Variants in RGS7 observed in about 807,000 individuals in gnomAD.
The protein encoded by RGS7 is regulator of G-protein signaling 7.
A neutral mutation model predicts 81.1 loss-of-function variants in RGS7; 27 were observed. The ratio of observed to expected loss-of-function variants is 0.33; its 90% CI spans 0.25 to 0.46. RGS7 has a LOEUF of 0.46. RGS7 is among the 20% of genes least tolerant of loss of function. The probability of loss-of-function intolerance (pLI) is 1.00; values close to 1 mark genes in which losing one functional copy is unlikely to be tolerated. For missense variants in RGS7, 396 were observed against 607.4 expected (o/e 0.65, Z 3.66); for synonymous variants, 208 against 207.7 (o/e 1.00, Z -0.01).
chr1:241,169,824 T>G (rs1347846133), intron 2 of RGS7, among the ~76,000 whole-genome samples: 1 of 152,202 alleles, frequency 6.6e-6, no homozygotes, highest in African/African-American at 2.4e-5. Context: ...TCGATTATGT[T>G]TCTTCCTATG....
chr1:241,145,278 A>C (rs191247091), intron 2 of RGS7, among the ~76,000 whole-genome samples: 1 of 152,182 alleles, frequency 6.6e-6, no homozygotes, highest in African/African-American at 2.4e-5. Context: ...AGCCACCCAA[A>C]GTGCTGAGAT....
intron 2 of RGS7, among the ~76,000 whole-genome samples, chr1:241,328,890 A>G (rs1033670547): frequency 6.6e-6 from 1 of 152,180 alleles, no homozygotes; most frequent in African/African-American, 2.4e-5. Context: ...CAACTGGTCT[A>G]CCAGGGATAG....
At chr1:240,866,335 C>A (rs1466365898) in intron 9 of RGS7, among the ~76,000 whole-genome samples, 1 of 151,682 alleles carries the variant, frequency 6.6e-6, no homozygotes. Flanking sequence ...CACGGTGAAA[C>A]CCCGTCTCTA....
At chr1:240,850,517 A>G (rs1659912495) in intron 9 of RGS7, among the ~76,000 whole-genome samples, 1 of 152,178 alleles carries the variant, frequency 6.6e-6, no homozygotes, top group African/African-American at 2.4e-5. Context: ...CTGAGCTACA[A>G]CAATATCAAC....
At chr1:241,316,922 C>T (rs2080913760) in intron 2 of RGS7, among the ~76,000 whole-genome samples, 1 of 152,102 alleles carries the variant, frequency 6.6e-6, no homozygotes, top group Non-Finnish European at 1.5e-5. Context: ...TATGTGTTTA[C>T]TATTATGTAA....
chr1:241,117,044 C>T (rs551728713), intron 2 of RGS7, among the ~76,000 whole-genome samples: 4 of 152,058 alleles, frequency 2.6e-5, no homozygotes, highest in Non-Finnish European at 4.4e-5. Context: ...GGGCCCTCTA[C>T]GAGGTAGTAT....
At chr1:241,003,862 C>A (rs912309625) in intron 3 of RGS7, among the ~76,000 whole-genome samples, 1 of 152,160 alleles carries the variant, frequency 6.6e-6, no homozygotes, top group African/African-American at 2.4e-5. Context: ...GATTCTCCTG[C>A]CTCAGCCTCC....
At chr1:240,991,811 ATCAAT>A (rs755523638) in intron 3 of RGS7, among the ~76,000 whole-genome samples, 13 of 152,222 alleles carry the variant, frequency 8.5e-5, no homozygotes, top group Non-Finnish European at 1.8e-4. Context: ...TAATCGATTA[ATCAAT>A]TCCATATGCT....
chr1:241,345,990 G>A (rs1490467566), intron 2 of RGS7, among the ~76,000 whole-genome samples: 2 of 152,112 alleles, frequency 1.3e-5, no homozygotes, highest in African/African-American at 2.4e-5. Context: ...ACTCCAGTCT[G>A]GTGATGGAGC....
chr1:240,948,653 G>A (rs1679050016), intron 4 of RGS7, among the ~76,000 whole-genome samples: 1 of 151,856 alleles, frequency 6.6e-6, no homozygotes, highest in Non-Finnish European at 1.5e-5. Context: ...ATGTTGGCCA[G>A]GCTGGTCTCA....
intron 18 of RGS7, 21 bp downstream of exon 18, chr1:240,800,620 T>A: frequency 1.3e-6 from 2 of 1,485,348 alleles, no homozygotes; most frequent in Non-Finnish European, 1.8e-6. Context: ...CAAACTTGAG[T>A]ATAAACCAAG....
At chr1:240,857,940 C>G (rs1193154364) in intron 9 of RGS7, among the ~76,000 whole-genome samples, 2 of 152,134 alleles carry the variant, frequency 1.3e-5, no homozygotes, top group African/African-American at 4.8e-5. Context: ...CTGCCCTTCT[C>G]CGTGCTACCA....
rs1024772963 is a variant in RGS7 at position 240,868,491 on chromosome 1, G to A, written c.609+96C>T. ...ACCAAGATACCATGGAGCGTGCATG[G>A]GGTCACTACAGTCTTTCACTTACTT... On this transcript the variant is annotated intron_variant, in intron 9 of 18. Coordinates refer to ENST00000440928, the MANE Select transcript of RGS7 (RefSeq NM_001364886.1). This position sits in a 1 kb window ranked among gnomAD's most constrained non-coding sequence, Gnocchi z 5.1. The A allele has an allele frequency of 6.0e-6, 6 of 993,796 alleles. No homozygotes were observed. In the South Asian group the frequency reaches 7.6e-5, roughly 13 times the overall value. 61.6% of individuals were successfully genotyped at this position (993,796 alleles called of 1,614,324 possible). A position where few individuals can be genotyped will look rare whatever the true frequency, so the allele number is the denominator to read the frequency against.
At chr1:241,120,670 G>T (rs2066188204) in intron 2 of RGS7, among the ~76,000 whole-genome samples, 1 of 152,060 alleles carries the variant, frequency 6.6e-6, no homozygotes, top group Admixed American at 6.6e-5. Context: ...CTTACAGGGG[G>T]AAATTTTGTA....
chr1:241,202,012 A>AAG (rs58110673), intron 2 of RGS7, among the ~76,000 whole-genome samples: 344 of 5,592 alleles, frequency 0.062, 1 homozygote, highest in African/African-American at 0.2. Flanking sequence ...ACACACACAG[A>AAG]CACACACACA....
chr1:240,777,111 A>G (rs983863406), intron 18 of RGS7, among the ~76,000 whole-genome samples: 4 of 152,168 alleles, frequency 2.6e-5, no homozygotes, highest in African/African-American at 9.7e-5. Flanking sequence ...CCTGGCCAAC[A>G]TGGTGAAACT....
At chr1:241,045,442 C>T (rs935483943) in intron 3 of RGS7, among the ~76,000 whole-genome samples, 1 of 152,214 alleles carries the variant, frequency 6.6e-6, no homozygotes, top group Non-Finnish European at 1.5e-5. Context: ...TGGCTCACTG[C>T]AACCTCCGCC....
chr1:241,216,387 A>T (rs1219479334), intron 2 of RGS7, among the ~76,000 whole-genome samples: 3 of 152,212 alleles, frequency 2.0e-5, no homozygotes, highest in African/African-American at 7.2e-5. Flanking sequence ...TTGGTACTGA[A>T]TGATTGTAAC....
intron 2 of RGS7, among the ~76,000 whole-genome samples, chr1:241,316,202 GCATGC>G (rs1345978837): frequency 6.6e-6 from 1 of 152,118 alleles, no homozygotes; most frequent in Non-Finnish European, 1.5e-5. Context: ...CCCTCTGCAG[GCATGC>G]CACCCTCCAG....
Sources: gnomAD v4.1 joint callset for allele counts (sites outside exome capture counted in the v4.1 genomes callset) on GRCh38, gnomAD v4.1.1 for gene constraint, Gnocchi (gnomAD v3.1) non-coding constraint, MANE v1.5 for transcripts, NCBI Gene and HGNC (gene_info 2026-07-23, HGNC 2026-07-21) for gene names.